The following SCARA5 variants were observed in gnomAD, a reference collection of about 807,000 sequenced individuals.
The protein encoded by SCARA5 is scavenger receptor class A member 5, also known as scavenger receptor class A, member 5 (putative).
In SCARA5, 45 loss-of-function variants were observed where a neutral mutation model predicts 46.3. The ratio of observed to expected loss-of-function variants is 0.97; its 90% CI spans 0.76 to 1.24. The LOEUF is 1.24. SCARA5 is among the 50% of genes most tolerant of loss of function. The probability of loss-of-function intolerance (pLI) is 0.00; values close to 1 mark genes in which losing one functional copy is unlikely to be tolerated. For missense variants in SCARA5, 680 were observed against 689.0 expected, an observed-to-expected ratio of 0.99 and a Z score of 0.15; for synonymous variants, 333 against 306.5, an observed-to-expected ratio of 1.09 and a Z score of -0.90.
chr8:27,971,896 T>C (rs960213156), intron 2 of SCARA5, among the ~76,000 whole-genome samples: 4 of 152,164 alleles, frequency 2.6e-5, no homozygotes. Flanking sequence ...AATCTTGCCA[T>C]AGCAGAGTGT....
chr8:27,950,912 AT>A (rs1808116337), intron 3 of SCARA5, among the ~76,000 whole-genome samples: 1 of 150,794 alleles, frequency 6.6e-6, no homozygotes, highest in Admixed American at 6.6e-5. Context: ...GGACTAAGCC[AT>A]TTATTCCACA....
At chr8:27,970,839 G>A (rs1489522178) in intron 2 of SCARA5, among the ~76,000 whole-genome samples, 2 of 152,138 alleles carry the variant, frequency 1.3e-5, no homozygotes, top group Non-Finnish European at 2.9e-5. Context: ...ATAGACATAT[G>A]TGTGTGCAAA....
At position 27,966,431 on chromosome 8, in the gene SCARA5, C is replaced by T. The variant is rs767400860; in HGVS notation, c.224G>A (p.Gly75Asp). 6.2e-6 allele frequency: 10 copies of T among 1,610,704 alleles called. No homozygotes were observed. Among genetic ancestry groups the T allele is most frequent in the African/African-American group, 4.0e-5 (3 of 74,750 alleles). The change falls in exon 3 of 9, where the codon GGC becomes GAC. Residue 75 changes from glycine to aspartate, a missense_variant. Gly to Asp is a moderately conservative substitution (Grantham distance 94). Coordinates refer to ENST00000354914, the MANE Select transcript of SCARA5 (RefSeq NM_173833.6). Reference protein sequence around the residue: ...LYLLVFLILVGIFILAVSRPR... With the variant: ...LYLLVFLILVDIFILAVSRPR... The stretch of plus-strand genomic sequence containing the variant: ...GCTCTTACCTGCTAAGATGAAGATG[C>T]CCACAAGAATCAGGAAGACCAGCAG...
chr8:27,889,667 C>A (rs1287257107), intron 7 of SCARA5, among the ~76,000 whole-genome samples: 1 of 152,198 alleles, frequency 6.6e-6, no homozygotes, highest in Non-Finnish European at 1.5e-5. Flanking sequence ...AAAACAATTA[C>A]TTTAACCCTG....
chr8:27,956,434 T>G (rs889355596), intron 3 of SCARA5, among the ~76,000 whole-genome samples: 11 of 152,228 alleles, frequency 7.2e-5, no homozygotes, highest in African/African-American at 2.7e-4. Context: ...AAACCTCTAT[T>G]CTGAGATTTA....
At chr8:27,933,390 C>T (rs990788671) in intron 3 of SCARA5, among the ~76,000 whole-genome samples, 11 of 152,072 alleles carry the variant, frequency 7.2e-5, no homozygotes, top group Admixed American at 2.6e-4. Context: ...GCTGTGGTGG[C>T]GCACACCTGT....
At chr8:27,887,773 A>C (rs542701777) in intron 7 of SCARA5, among the ~76,000 whole-genome samples, 2 of 152,320 alleles carry the variant, frequency 1.3e-5, no homozygotes, top group South Asian at 4.1e-4. Flanking sequence ...CAAACATGGA[A>C]ATAAAAGAAA....
intron 3 of SCARA5, among the ~76,000 whole-genome samples, chr8:27,942,004 T>C (rs1319968669): frequency 6.6e-6 from 1 of 151,846 alleles, no homozygotes; most frequent in Non-Finnish European, 1.5e-5. Context: ...TTTTTTTGTA[T>C]TTTTAGAAGA....
At chr8:27,927,885 G>A (rs1232733333) in intron 3 of SCARA5, among the ~76,000 whole-genome samples, 1 of 152,130 alleles carries the variant, frequency 6.6e-6, no homozygotes, top group Non-Finnish European at 1.5e-5. Flanking sequence ...TTTTCATGTT[G>A]TGAATTTCAC....
chr8:27,879,543 T>C (rs1477410357), intron 8 of SCARA5, 26 bp downstream of exon 8: 3 of 1,598,992 alleles, frequency 1.9e-6, no homozygotes, highest in South Asian at 1.1e-5. Context: ...CCTCTCCTCA[T>C]GTTTTTTGCC....
At chr8:27,931,814 C>A (rs941196991) in intron 3 of SCARA5, among the ~76,000 whole-genome samples, 1 of 151,914 alleles carries the variant, frequency 6.6e-6, no homozygotes, top group African/African-American at 2.4e-5. Flanking sequence ...GCCACCACGC[C>A]TGGCTAATTT....
intron 3 of SCARA5, among the ~76,000 whole-genome samples, chr8:27,957,821 T>C (rs1171450347): frequency 3.3e-5 from 5 of 152,188 alleles, no homozygotes; most frequent in Non-Finnish European, 7.3e-5. Flanking sequence ...TAACTTGCAA[T>C]CCAGGGAGGA....
intron 4 of SCARA5, 109 bp downstream of exon 4, chr8:27,921,462 T>C: frequency 1.1e-6 from 1 of 873,980 alleles, no homozygotes; most frequent in Non-Finnish European, 1.6e-6. Flanking sequence ...CAAGTGCACT[T>C]GGGGATGGGG....
chr8:27,911,298 T>C (rs1807370481), intron 4 of SCARA5, among the ~76,000 whole-genome samples: 1 of 152,138 alleles, frequency 6.6e-6, no homozygotes, highest in Non-Finnish European at 1.5e-5. Flanking sequence ...CCTAAGAAAA[T>C]TGCCAGCTTC....
At chr8:27,889,085 ATGG>A (rs1272303502) in intron 7 of SCARA5, among the ~76,000 whole-genome samples, 1 of 69,522 alleles carries the variant, frequency 1.4e-5, no homozygotes, top group Non-Finnish European at 3.5e-5. Context: ...GACCAACCCC[ATGG>A]TCCTCAGCCA....
chr8:27,901,194 G>A (rs750087458), intron 7 of SCARA5, among the ~76,000 whole-genome samples: 1 of 152,132 alleles, frequency 6.6e-6, no homozygotes, highest in Non-Finnish European at 1.5e-5. Context: ...CAACTTCCAC[G>A]TCCCTAGTGA....
intron 7 of SCARA5, among the ~76,000 whole-genome samples, chr8:27,893,151 G>T (rs970656068): frequency 6.6e-6 from 1 of 152,146 alleles, no homozygotes; most frequent in South Asian, 2.1e-4. Flanking sequence ...GAACAAAAAG[G>T]CTCATCCCCT....
At chr8:27,935,799 A>C (rs1335348964) in intron 3 of SCARA5, among the ~76,000 whole-genome samples, 1 of 152,118 alleles carries the variant, frequency 6.6e-6, no homozygotes, top group African/African-American at 2.4e-5. Flanking sequence ...ATTCAAACAA[A>C]TACTGCCTGC....
In SCARA5 at chr8:27,870,599, A is replaced by T. The variant is rs1376844302; in HGVS notation, c.*1335T>A. On this transcript the variant is annotated 3_prime_UTR_variant, in exon 9 of 9. Transcript: ENST00000354914. Reference sequence around the variant, plus strand: ...CCCAAGGTGAGGTGGGTCTGCACTCACTTGCTACCAGGTAGCTCCCCTAGT... The same window carrying T: ...CCCAAGGTGAGGTGGGTCTGCACTCTCTTGCTACCAGGTAGCTCCCCTAGT... 6.6e-6 allele frequency: 1 copy of T among 152,104 alleles called. No individual in the cohort carries two copies. Among genetic ancestry groups the T allele is most frequent in the African/African-American group, 2.4e-5 (1 of 41,408 alleles). The allele number at this position is 152,104 out of a possible 1,614,324, so 9.4% of individuals were successfully genotyped here. A position where few individuals can be genotyped will look rare whatever the true frequency, so the allele number is the denominator to read the frequency against.
Sources: allele counts gnomAD v4.1 joint callset (sites outside exome capture counted in the v4.1 genomes callset), GRCh38; gene constraint gnomAD v4.1.1; transcripts MANE v1.5; gene names NCBI Gene and HGNC (gene_info 2026-07-23, HGNC 2026-07-21).